The following ERC1 variants were observed in gnomAD, a reference collection of about 807,000 sequenced individuals.
ERC1 encodes ELKS/RAB6-interacting/CAST family member 1.
In ERC1, 56 loss-of-function variants were observed where a neutral mutation model predicts 132.0. The ratio of observed to expected loss-of-function variants is 0.42; its 90% CI spans 0.34 to 0.53. The LOEUF (loss-of-function observed/expected upper bound fraction) is 0.53, where lower values mean the gene tolerates loss of function less well. Ranked by LOEUF, ERC1 falls within the 20% of genes least tolerant of loss-of-function variation. The pLI, the probability that ERC1 is intolerant of heterozygous loss-of-function variation, is 0.03. For synonymous variants in ERC1, 478 were observed against 476.1 expected (o/e 1.00, Z -0.05); for missense variants, 1,202 against 1,349.9 (o/e 0.89, Z 1.72).
chr12:1,126,831 T>TA (rs1230653198), intron 7 of ERC1, among the ~76,000 whole-genome samples: 2 of 151,280 alleles, frequency 1.3e-5, no homozygotes, highest in South Asian at 4.2e-4. Context: ...CTACTAAAAA[T>TA]AAAAAAATTA....
At position 1,491,469 on chromosome 12, in the gene ERC1, A is replaced by T. The variant is rs1384423931; in HGVS notation, c.*1239A>T. 2 of 230,396 alleles carry T rather than the reference A, an allele frequency of 8.7e-6. No homozygotes were observed. Among genetic ancestry groups the T allele is most frequent in the African/African-American group, 4.4e-5 (2 of 45,194 alleles). The allele number at this position is 230,396 out of a possible 1,614,324, so 14.3% of individuals were successfully genotyped here. ...TCCTTGAAAAGGCCACTTCTCAGTG[A>T]GGGAGAGATGTAGTGGATTCTGTGA... On this transcript the variant is annotated 3_prime_UTR_variant, in exon 19 of 19. Coordinates refer to ENST00000360905, the MANE Select transcript of ERC1 (RefSeq NM_178040.4).
chr12:1,250,985 C>T (rs980437450), intron 13 of ERC1, among the ~76,000 whole-genome samples: 7 of 151,994 alleles, frequency 4.6e-5, no homozygotes, highest in South Asian at 2.1e-4. Flanking sequence ...GAAATAGAGC[C>T]GGGGAAAATC....
rs757949030 is a variant in ERC1 at position 1,255,621 on chromosome 12, CTTTTTT to C, written c.2488-7389_2488-7384del. Among the ~76,000 whole-genome samples the C allele has an allele frequency of 2.4e-3, 149 of 61,514 alleles. 1 individual carries two copies. The highest frequency in any genetic ancestry group is 3.8e-3 in the Admixed American group (20 of 5,218). The allele number at this position is 61,514 out of a possible 152,430, so 40.4% of individuals were successfully genotyped here. On this transcript the variant is annotated intron_variant, in intron 13 of 18. Coordinates refer to ENST00000360905, the MANE Select transcript of ERC1 (RefSeq NM_178040.4). ...TCTTCAGCATCTGTTGCTTCCTGGC[CTTTTTT>C]TTTTTTTTTTTTTTTTTTTTTTTGA...
At chr12:1,212,332 T>C (rs1344225608) in intron 12 of ERC1, among the ~76,000 whole-genome samples, 1 of 152,134 alleles carries the variant, frequency 6.6e-6, no homozygotes, top group African/African-American at 2.4e-5. Context: ...TAGTACTGGA[T>C]CACCTGCCTA....
At chr12:1,300,506 A>G (rs939783989) in intron 15 of ERC1, among the ~76,000 whole-genome samples, 4 of 152,164 alleles carry the variant, frequency 2.6e-5, no homozygotes, top group African/African-American at 9.7e-5. Context: ...GAAACTACCA[A>G]GAGAGTAAAC....
At chr12:1,252,503 C>T (rs959505506) in intron 13 of ERC1, among the ~76,000 whole-genome samples, 22 of 152,184 alleles carry the variant, frequency 1.4e-4, no homozygotes, top group Admixed American at 7.2e-4. Flanking sequence ...AGATGAGACC[C>T]TTCCCAGTCT....
In ERC1 at chr12:1,141,649, G is replaced by A; in HGVS notation, c.1599G>A (p.Glu533=). The change falls in exon 8 of 19, where the codon GAG becomes GAA. Residue 533 remains glutamate, a synonymous_variant. Transcript: ENST00000360905. ...EVDALRLRLE[E]KETMLNKKTK... ...ATGCTCTCCGATTGCGTTTGGAAGA[G>A]AAGGAAACCATGTTGAATAAAAAGA... The A allele has an allele frequency of 1.9e-6, 3 of 1,612,412 alleles. No homozygotes were observed. Among genetic ancestry groups the A allele is most frequent in the Non-Finnish European group, 2.5e-6 (3 of 1,179,082 alleles).
chr12:1,123,743 C>T (rs1947837295), intron 7 of ERC1, among the ~76,000 whole-genome samples: 1 of 152,176 alleles, frequency 6.6e-6, no homozygotes, highest in Non-Finnish European at 1.5e-5. Flanking sequence ...GCCTGTAATC[C>T]CAGCACTTTG....
At chr12:1,297,438 A>G (rs1056604388) in intron 15 of ERC1, among the ~76,000 whole-genome samples, 1 of 151,402 alleles carries the variant, frequency 6.6e-6, no homozygotes, top group Non-Finnish European at 1.5e-5. Context: ...ACTGTGGCTC[A>G]TGCCTGTAAT....
intron 12 of ERC1, among the ~76,000 whole-genome samples, chr12:1,191,501 G>A (rs1199026236): frequency 2.6e-5 from 4 of 152,088 alleles, no homozygotes; most frequent in Non-Finnish European, 5.9e-5. Flanking sequence ...TTTATGGTTT[G>A]ATTTCTTATT....
intron 1 of ERC1, among the ~76,000 whole-genome samples, chr12:1,005,422 T>C (rs886749883): frequency 1.3e-5 from 2 of 152,204 alleles, no homozygotes; most frequent in African/African-American, 4.8e-5. Flanking sequence ...ATTACAGGCA[T>C]GAGACACCAT....
chr12:1,142,441 G>A (rs1949941151), intron 8 of ERC1, among the ~76,000 whole-genome samples: 1 of 152,144 alleles, frequency 6.6e-6, no homozygotes, highest in Non-Finnish European at 1.5e-5. Flanking sequence ...AGTAAAAAAT[G>A]TTGTACATGT....
At chr12:1,405,987 T>G (rs1002085216) in intron 16 of ERC1, among the ~76,000 whole-genome samples, 1 of 152,216 alleles carries the variant, frequency 6.6e-6, no homozygotes, top group South Asian at 2.1e-4. Context: ...TATGTGTAAT[T>G]TTTTAAAACA....
intron 18 of ERC1, among the ~76,000 whole-genome samples, chr12:1,459,965 T>C (rs558671458): frequency 1.3e-5 from 2 of 152,336 alleles, no homozygotes; most frequent in East Asian, 3.9e-4. Flanking sequence ...CAGATGTGTA[T>C]ACACATGTAT....
intron 3 of ERC1, among the ~76,000 whole-genome samples, chr12:1,100,583 G>A (rs1268833356): frequency 6.6e-6 from 1 of 152,124 alleles, no homozygotes; most frequent in Non-Finnish European, 1.5e-5. Context: ...TTGAAAATGG[G>A]AAGAGCAGGA....
At chr12:1,161,796 G>T (rs1475960600) in intron 8 of ERC1, among the ~76,000 whole-genome samples, 2 of 152,136 alleles carry the variant, frequency 1.3e-5, no homozygotes, top group African/African-American at 4.8e-5. Context: ...TAAGGAAGAA[G>T]AATATGGTAA....
chr12:1,401,232 C>T (rs1456111588), intron 16 of ERC1, among the ~76,000 whole-genome samples: 1 of 151,906 alleles, frequency 6.6e-6, no homozygotes, highest in Non-Finnish European at 1.5e-5. Flanking sequence ...CCGCGCCCAG[C>T]CCTATTTTTG....
At chr12:1,284,265 C>CGT (rs71055142) in intron 14 of ERC1, among the ~76,000 whole-genome samples, 10,690 of 139,990 alleles carry the variant, frequency 0.076, 471 homozygotes, top group African/African-American at 0.13. Flanking sequence ...GAATAGTATT[C>CGT]GTGTGTGTGT....
At chr12:1,469,680 G>T (rs769736954) in intron 18 of ERC1, among the ~76,000 whole-genome samples, 1 of 152,200 alleles carries the variant, frequency 6.6e-6, no homozygotes, top group South Asian at 2.1e-4. Context: ...CGTCCCGGGA[G>T]TCCCTCATTC....
Sources: gnomAD v4.1 joint callset for allele counts (sites outside exome capture counted in the v4.1 genomes callset) on GRCh38, gnomAD v4.1.1 for gene constraint, MANE v1.5 for transcripts, NCBI Gene and HGNC (gene_info 2026-07-23, HGNC 2026-07-21) for gene names.